The following ADCY2 variants were observed in gnomAD, a reference collection of about 807,000 sequenced individuals.
ADCY2 encodes the protein adenylate cyclase type 2.
A neutral mutation model predicts 125.2 loss-of-function variants in ADCY2; 31 were observed. That is an observed-to-expected ratio of 0.25 (90% confidence interval 0.19 to 0.33). The LOEUF is 0.33. ADCY2 is among the 10% of genes least tolerant of loss of function. The pLI, the probability that ADCY2 is intolerant of heterozygous loss-of-function variation, is 1.00. For missense variants in ADCY2, 904 were observed against 1,418.2 expected (o/e 0.64, Z 5.82); for synonymous variants, 512 against 548.4 (o/e 0.93, Z 0.93).
At chr5:7,670,066 AT>A (rs1175919439) in intron 4 of ADCY2, among the ~76,000 whole-genome samples, 1 of 152,094 alleles carries the variant, frequency 6.6e-6, no homozygotes, top group Admixed American at 6.6e-5. Context: ...CACCAATGTT[AT>A]TTTTTCATTT....
At chr5:7,760,484 C>T (rs1192481154) in intron 16 of ADCY2, among the ~76,000 whole-genome samples, 2 of 152,144 alleles carry the variant, frequency 1.3e-5, no homozygotes, top group Admixed American at 1.3e-4. Flanking sequence ...CCTCCTGGCC[C>T]GTCAGGAGTG....
At chr5:7,809,136 G>A (rs556486147) in intron 22 of ADCY2, among the ~76,000 whole-genome samples, 1 of 152,286 alleles carries the variant, frequency 6.6e-6, no homozygotes, top group South Asian at 2.1e-4. Context: ...TAATAATATA[G>A]TTGTGGTTTG....
intron 3 of ADCY2, among the ~76,000 whole-genome samples, chr5:7,529,299 A>G (rs1426431652): frequency 1.3e-5 from 2 of 152,216 alleles, no homozygotes; most frequent in African/African-American, 2.4e-5. Flanking sequence ...CAGAAGCATC[A>G]GGTATTAAAA....
chr5:7,556,701 G>A (rs756859497), intron 3 of ADCY2, among the ~76,000 whole-genome samples: 31 of 152,242 alleles, frequency 2.0e-4, no homozygotes, highest in Non-Finnish European at 4.4e-4. Context: ...AGGCGAGCTC[G>A]CTTTACTGTC....
intron 18 of ADCY2, among the ~76,000 whole-genome samples, chr5:7,779,192 C>T (rs949996593): frequency 5.3e-4 from 80 of 152,176 alleles, no homozygotes; most frequent in African/African-American, 1.8e-3. Flanking sequence ...CAGGGTCTAA[C>T]AAGCTTCTTT....
At chr5:7,643,026 ATTTT>A (rs777829626) in intron 4 of ADCY2, among the ~76,000 whole-genome samples, 7 of 151,770 alleles carry the variant, frequency 4.6e-5, no homozygotes, top group Non-Finnish European at 7.4e-5. Context: ...TCTAATTAGA[ATTTT>A]TTTTATTTTT....
chr5:7,682,621 C>T (rs547541777), intron 4 of ADCY2, among the ~76,000 whole-genome samples: 1 of 152,166 alleles, frequency 6.6e-6, no homozygotes, highest in Admixed American at 6.5e-5. Context: ...GGGAAGTGAG[C>T]CCACAGTTTC....
intron 3 of ADCY2, among the ~76,000 whole-genome samples, chr5:7,620,778 A>G (rs1737927178): frequency 6.6e-6 from 1 of 151,166 alleles, no homozygotes; most frequent in African/African-American, 2.4e-5. Flanking sequence ...CTTCCCTTTT[A>G]TTTTCCTTTG....
intron 2 of ADCY2, among the ~76,000 whole-genome samples, chr5:7,480,907 C>T (rs1742704939): frequency 6.6e-6 from 1 of 152,042 alleles, no homozygotes; most frequent in Admixed American, 6.5e-5. Flanking sequence ...GGGTTGCGTC[C>T]AAATCTTGGC....
chr5:7,453,193 G>GT (rs1309587596), intron 2 of ADCY2, among the ~76,000 whole-genome samples: 2 of 152,096 alleles, frequency 1.3e-5, no homozygotes, highest in East Asian at 1.9e-4. Flanking sequence ...GTCCAGATGA[G>GT]TTTTTTCTGG....
intron 2 of ADCY2, among the ~76,000 whole-genome samples, chr5:7,509,652 T>G (rs1452514093): frequency 6.6e-6 from 1 of 152,228 alleles, no homozygotes; most frequent in East Asian, 1.9e-4. Context: ...ATCGTTACTC[T>G]TTTGAAGCCC....
chr5:7,744,646 C>T (rs936513736), intron 15 of ADCY2, among the ~76,000 whole-genome samples: 1 of 152,236 alleles, frequency 6.6e-6, no homozygotes, highest in Non-Finnish European at 1.5e-5. Context: ...AGATAAGCCA[C>T]TGTTTCGTTT....
intron 14 of ADCY2, among the ~76,000 whole-genome samples, chr5:7,738,508 A>G (rs1380653690): frequency 1.3e-5 from 2 of 152,066 alleles, no homozygotes; most frequent in African/African-American, 4.8e-5. Flanking sequence ...ACCACACTAT[A>G]CAAATAAAAG....
chr5:7,766,525 ACAATAAATTGTTAATTACTTATT>A (rs1488880240), intron 16 of ADCY2, among the ~76,000 whole-genome samples, 139 bp from the exon 17 acceptor site: 6 of 152,212 alleles, frequency 3.9e-5, no homozygotes, highest in Non-Finnish European at 8.8e-5. Flanking sequence ...AATGTATAGA[ACAATAAATTGTTAATTACTTATT>A]CAATAGAAAT....
chr5:7,469,136 G>C (rs1371380603), intron 2 of ADCY2, among the ~76,000 whole-genome samples: 2 of 151,550 alleles, frequency 1.3e-5, no homozygotes, highest in African/African-American at 2.4e-5. Context: ...ATGTAACCTA[G>C]GCTTTTTTGC....
intron 20 of ADCY2, among the ~76,000 whole-genome samples, chr5:7,792,483 C>G (rs1744280549): frequency 6.6e-6 from 1 of 152,108 alleles, no homozygotes; most frequent in South Asian, 2.1e-4. Context: ...AGCTCTGGAG[C>G]TCGAGAAGCT....
chr5:7,437,971 C>G (rs1241322005), intron 2 of ADCY2, among the ~76,000 whole-genome samples: 2 of 152,208 alleles, frequency 1.3e-5, no homozygotes, highest in East Asian at 3.9e-4. Flanking sequence ...GCCACCATTT[C>G]TTAGACTAAA....
chr5:7,528,773 G>T (rs4702474), intron 3 of ADCY2, among the ~76,000 whole-genome samples: 124,689 of 152,164 alleles, frequency 0.82, 54,645 homozygotes, highest in Non-Finnish European at 0.97. Flanking sequence ...TCCCCAATCC[G>T]TGCATGTTTG....
In ADCY2 at chr5:7,718,407, C is replaced by G. The variant is rs530362716; in HGVS notation, c.1703+1170C>G. Among the ~76,000 whole-genome samples the G allele has an allele frequency of 5.5e-4, 83 of 152,210 alleles. No homozygotes were observed. The South Asian group carries it at 0.017, about 31-fold the overall frequency. On this transcript the variant is annotated intron_variant, in intron 12 of 24. Transcript: ENST00000338316. ...TCATGATCCACCCGCCTCAGCCTCCCAAAGTGCTGGGATTACAGGTGTGAG... is the reference window on the plus strand; with the variant it reads ...TCATGATCCACCCGCCTCAGCCTCCGAAAGTGCTGGGATTACAGGTGTGAG...
Sources: allele counts gnomAD v4.1 joint callset (sites outside exome capture counted in the v4.1 genomes callset), GRCh38; gene constraint gnomAD v4.1.1; transcripts MANE v1.5; gene names NCBI Gene and HGNC (gene_info 2026-07-23, HGNC 2026-07-21).